LSM12: variants seen among roughly 807,000 people sequenced by gnomAD.
The protein encoded by LSM12 is LSM12 homolog, also known as protein LSM12.
For synonymous variants in LSM12, 74 were observed against 87.3 expected, an observed-to-expected ratio of 0.85 and a Z score of 0.85; for missense variants, 108 against 238.9, an observed-to-expected ratio of 0.45 and a Z score of 3.61.
At chr17:44,061,739 A>T (rs1250254601) in intron 2 of LSM12, among the ~76,000 whole-genome samples, 1 of 152,246 alleles carries the variant, frequency 6.6e-6, no homozygotes, top group African/African-American at 2.4e-5. Context: ...CTCTAGAGGG[A>T]AAAACTTCCA....
rs574525124 is a variant in LSM12, at chr17:44,040,434, G to A, written c.259-178C>T. On this transcript the variant is annotated intron_variant, in intron 2 of 4. Transcript: ENST00000293406. The stretch of plus-strand genomic sequence containing the variant: ...CCACGACATACCTGAACAGTTACTG[G>A]TATTCCAAGAAAACGTTCCTTCCTT... 320 of 535,074 alleles carry A rather than the reference G, an allele frequency of 6.0e-4. 2 individuals are homozygous for A. Among genetic ancestry groups the A allele is most frequent in the African/African-American group, 2.0e-3 (106 of 52,422 alleles). The allele number at this position is 535,074 out of a possible 1,614,324, so 33.1% of individuals were successfully genotyped here. A position where few individuals can be genotyped will look rare whatever the true frequency, so the allele number is the denominator to read the frequency against.
intron 2 of LSM12, among the ~76,000 whole-genome samples, chr17:44,054,545 A>G (rs1173590196): frequency 6.6e-6 from 1 of 152,182 alleles, no homozygotes; most frequent in Non-Finnish European, 1.5e-5. Flanking sequence ...GCCTCAAGCA[A>G]TCTACCCACC....
intron 2 of LSM12, among the ~76,000 whole-genome samples, chr17:44,056,249 C>T (rs1459315756): frequency 1.3e-5 from 2 of 149,596 alleles, no homozygotes; most frequent in African/African-American, 2.5e-5. Flanking sequence ...GAGCCGAGAT[C>T]GCGCCATTGC....
At chr17:44,051,469 C>T (rs1225195345) in intron 2 of LSM12, among the ~76,000 whole-genome samples, 1 of 150,466 alleles carries the variant, frequency 6.6e-6, no homozygotes, top group African/African-American at 2.4e-5. Flanking sequence ...GGGAGCCTAG[C>T]TTGTGCCTGG....
At chr17:44,066,834 T>A (rs1314373472), upstream of LSM12, 1 of 339,354 alleles carries the variant, frequency 2.9e-6, no homozygotes, top group Non-Finnish European at 5.0e-6. Flanking sequence ...ATTTTAGAAG[T>A]TAAGGATAAA....
chr17:44,056,411 G>A (rs996812648), intron 2 of LSM12, among the ~76,000 whole-genome samples: 5 of 151,878 alleles, frequency 3.3e-5, no homozygotes, highest in Non-Finnish European at 4.4e-5. Flanking sequence ...TGAGACCAGC[G>A]TTGGCAGTAT....
upstream of LSM12, chr17:44,067,543 T>A (rs2049894511): frequency 6.6e-6 from 1 of 152,220 alleles, no homozygotes; most frequent in African/African-American, 2.4e-5. Flanking sequence ...AAACTAAGTT[T>A]TAGACTAAAC....
chr17:44,064,524 G>A (rs1380646891), intron 1 of LSM12, among the ~76,000 whole-genome samples: 1 of 151,842 alleles, frequency 6.6e-6, no homozygotes. Context: ...CTTGAGGTCA[G>A]GAGTTCAAGA....
chr17:44,045,573 G>A (rs1263278220), intron 2 of LSM12, among the ~76,000 whole-genome samples: 1 of 151,952 alleles, frequency 6.6e-6, no homozygotes, highest in Non-Finnish European at 1.5e-5. Context: ...TTCCAGTTTT[G>A]TTTTTTGTGT....
chr17:44,065,407 C>T (rs1051329210), intron 1 of LSM12, among the ~76,000 whole-genome samples: 1 of 147,996 alleles, frequency 6.8e-6, no homozygotes, highest in African/African-American at 2.5e-5. Context: ...CGCCACCGCA[C>T]TCCATCCTAG....
Position 44,066,629 on chromosome 17 carries a change from C to T in LSM12, c.-42G>A. The stretch of plus-strand genomic sequence containing the variant: ...CGGCCGGCGGCGGCGGCGGCAGCAG[C>T]GGGCGAAAGCCGGGCCCCCAGTGAG... On this transcript the variant is annotated 5_prime_UTR_variant, in exon 1 of 5. Transcript: ENST00000293406. 2.3e-6 allele frequency: 3 copies of T among 1,306,788 alleles called. No individual in the cohort carries two copies. The highest frequency in any genetic ancestry group is 2.0e-6 in the Non-Finnish European group (2 of 1,024,410). The allele number at this position is 1,306,788 out of a possible 1,614,324, so 80.9% of individuals were successfully genotyped here.
Position 44,037,548 on chromosome 17 carries a change from G to A in LSM12, c.369-10C>T, listed in dbSNP as rs1190340532. 3 of 1,601,664 alleles carry A rather than the reference G, an allele frequency of 1.9e-6. 1 individual carries two copies. The African/African-American group carries it at 4.0e-5, about 22-fold the overall frequency. The stretch of plus-strand genomic sequence containing the variant: ...TTTACAGTCTTTAATGCTGGAAGGA[G>A]AAGACAGCAGGCGAAATGTAACCTC... On this transcript the variant is annotated splice_polypyrimidine_tract_variant and intron_variant, in intron 3 of 4. Coordinates refer to ENST00000293406, the MANE Select transcript of LSM12 (RefSeq NM_001371445.1).
intron 2 of LSM12, among the ~76,000 whole-genome samples, chr17:44,042,237 A>C (rs756162737): frequency 6.6e-6 from 1 of 151,678 alleles, no homozygotes; most frequent in Non-Finnish European, 1.5e-5. Flanking sequence ...CAGTGAGCCG[A>C]GATTGTACCA....
At chr17:44,052,254 A>G (rs2049654515) in intron 2 of LSM12, among the ~76,000 whole-genome samples, 1 of 151,356 alleles carries the variant, frequency 6.6e-6, no homozygotes, top group African/African-American at 2.4e-5. Flanking sequence ...AAAAAAAAAC[A>G]AACAACAAAA....
chr17:44,040,170 C>G lies in LSM12; in HGVS notation c.345G>C (p.Gln115His), dbSNP rs757919263. The change falls in exon 3 of 5, where the codon CAG becomes CAC. Residue 115 changes from glutamine (Q) to histidine (H), a missense_variant. Physicochemically the swap from Gln to His is conservative, Grantham distance 24 (BLOSUM62 0). Transcript: ENST00000293406. ...ISAGVSLEGQQLFQTIHKTIK... is the reference protein window; with the variant it reads ...ISAGVSLEGQHLFQTIHKTIK... Reference sequence around the variant, plus strand: ...ACGTCTTGTGAATGGTCTGGAAGAGCTGCTGGCCCTCTAGAGAGACACCAG... The same window carrying G: ...ACGTCTTGTGAATGGTCTGGAAGAGGTGCTGGCCCTCTAGAGAGACACCAG... 1.2e-6 allele frequency: 2 copies of G among 1,613,652 alleles called. No individual in the cohort carries two copies. Among genetic ancestry groups the G allele is most frequent in the South Asian group, 2.2e-5 (2 of 91,082 alleles).
At chr17:44,060,973 A>G (rs2049787513) in intron 2 of LSM12, among the ~76,000 whole-genome samples, 2 of 152,162 alleles carry the variant, frequency 1.3e-5, no homozygotes, top group African/African-American at 4.8e-5. Flanking sequence ...CAGACTTATC[A>G]TACCCTATAA....
chr17:44,043,010 T>C (rs2049515487), intron 2 of LSM12, among the ~76,000 whole-genome samples: 1 of 152,200 alleles, frequency 6.6e-6, no homozygotes, highest in South Asian at 2.1e-4. Flanking sequence ...GCTCCAAGCA[T>C]AGTTTTATAG....
chr17:44,043,043 T>C (rs1398408625), intron 2 of LSM12, among the ~76,000 whole-genome samples: 1 of 152,228 alleles, frequency 6.6e-6, no homozygotes, highest in Non-Finnish European at 1.5e-5. Flanking sequence ...ACCAAGTGTC[T>C]AATTCTTTGT....
intron 2 of LSM12, 197 bp from the exon 3 acceptor site, chr17:44,040,453 C>T: frequency 2.0e-6 from 1 of 500,994 alleles, no homozygotes; most frequent in Non-Finnish European, 3.7e-6. Context: ...GAAAACGTTC[C>T]TTCCTTCCTT....
Sources: allele counts gnomAD v4.1 joint callset (sites outside exome capture counted in the v4.1 genomes callset), GRCh38; gene constraint gnomAD v4.1.1; transcripts MANE v1.5; gene names NCBI Gene and HGNC (gene_info 2026-07-23, HGNC 2026-07-21).